MPPED2: variants seen among roughly 807,000 people sequenced by gnomAD.
MPPED2 encodes the protein metallophosphoesterase domain containing 2.
In MPPED2, 5 loss-of-function variants were observed where a neutral mutation model predicts 33.0. That is an observed-to-expected ratio of 0.15 (90% CI 0.08 to 0.32). MPPED2 has a LOEUF of 0.32. MPPED2 is among the 10% of genes least tolerant of loss of function. MPPED2 has a pLI of 1.00. For missense variants in MPPED2, 275 were observed against 372.1 expected (o/e 0.74, Z 2.15); for synonymous variants, 136 against 141.9 (o/e 0.96, Z 0.29).
Position 30,410,914 on chromosome 11 carries a change from A to G in MPPED2, c.*554T>C, listed in dbSNP as rs1948077488. Reference sequence around the variant, plus strand: ...TTAAATGACAGCCATTTTCTTCTCAATGCAGCTTTCTTTATAGTGAGAGTA... The same window carrying G: ...TTAAATGACAGCCATTTTCTTCTCAGTGCAGCTTTCTTTATAGTGAGAGTA... On this transcript the variant is annotated 3_prime_UTR_variant, in exon 7 of 7. Coordinates refer to ENST00000358117, the MANE Select transcript of MPPED2 (RefSeq NM_001584.3). 1.0e-6 allele frequency: 1 copy of G among 985,760 alleles called. No individual in the cohort carries two copies. Among genetic ancestry groups the G allele is most frequent in the Non-Finnish European group, 1.2e-6 (1 of 829,926 alleles). 61.1% of individuals were successfully genotyped at this position (985,760 alleles called of 1,614,324 possible).
At position 30,552,155 on chromosome 11, in the gene MPPED2, T is replaced by C. The variant is rs376977504; in HGVS notation, c.129-15980A>G. Reference sequence around the variant, plus strand: ...ATTATTCATCCGGTACTATTAAAACTGTCATCTTCTATAGCACCTCAGTAC... The same window carrying C: ...ATTATTCATCCGGTACTATTAAAACCGTCATCTTCTATAGCACCTCAGTAC... On this transcript the variant is annotated intron_variant, in intron 2 of 6. Coordinates refer to ENST00000358117, the MANE Select transcript of MPPED2 (RefSeq NM_001584.3). Among the ~76,000 whole-genome samples the C allele has an allele frequency of 1.4e-3, 219 of 152,334 alleles. 2 individuals carry two copies. The highest frequency in any genetic ancestry group is 5.0e-3 in the African/African-American group (209 of 41,568).
chr11:30,493,087 C>T (rs1462168147), intron 4 of MPPED2, among the ~76,000 whole-genome samples: 2 of 152,158 alleles, frequency 1.3e-5, no homozygotes, highest in Admixed American at 6.5e-5. Flanking sequence ...ACCAGTCCTT[C>T]TGGATACCAA....
chr11:30,567,373 A>C (rs1181830460), intron 2 of MPPED2, among the ~76,000 whole-genome samples: 1 of 152,180 alleles, frequency 6.6e-6, no homozygotes, highest in African/African-American at 2.4e-5. Context: ...GTTTAGGGCA[A>C]GAGTTTCATG....
At chr11:30,504,672 G>T in intron 3 of MPPED2, 1 of 813,388 alleles carries the variant, frequency 1.2e-6, no homozygotes, top group Non-Finnish European at 1.8e-6. Flanking sequence ...TCTGACCTCA[G>T]TCTGTCCCCC....
chr11:30,471,696 C>T (rs1950951440), intron 4 of MPPED2, among the ~76,000 whole-genome samples: 1 of 152,188 alleles, frequency 6.6e-6, no homozygotes, highest in Non-Finnish European at 1.5e-5. Flanking sequence ...TTTGTCCATT[C>T]CCATATTCCC....
At chr11:30,409,464 C>A (rs568238269), downstream of MPPED2, among the ~76,000 whole-genome samples, 3 of 152,308 alleles carry the variant, frequency 2.0e-5, no homozygotes, top group Non-Finnish European at 4.4e-5. Flanking sequence ...ATGGTGACAT[C>A]CAAGATACTT....
At chr11:30,472,813 C>A (rs1951007358) in intron 4 of MPPED2, among the ~76,000 whole-genome samples, 1 of 152,104 alleles carries the variant, frequency 6.6e-6, no homozygotes, top group Non-Finnish European at 1.5e-5. Context: ...TGGAAAAGTT[C>A]TGGAGATAGT....
rs1450525726 is a variant in MPPED2, at chr11:30,586,299, G to C, written c.-379C>G. The C allele has an allele frequency of 6.5e-6, 1 of 153,920 alleles. No homozygotes were observed. The highest frequency in any genetic ancestry group is 2.4e-5 in the African/African-American group (1 of 41,438). The allele number at this position is 153,920 out of a possible 1,614,324, so 9.5% of individuals were successfully genotyped here. On this transcript the variant is annotated 5_prime_UTR_variant, in exon 1 of 7. Coordinates refer to ENST00000358117, the MANE Select transcript of MPPED2 (RefSeq NM_001584.3). The surrounding 1 kb of genome is among the most constrained non-coding windows in gnomAD (Gnocchi z 4.8). ...GATCTGGGGAGAGAGCGAGCGAGGG[G>C]GCGAGGAGAGGGAGCGAGGGCGCGG... is the stretch of plus-strand genomic sequence containing the variant.
At chr11:30,547,256 C>T (rs1281830680) in intron 2 of MPPED2, among the ~76,000 whole-genome samples, 1 of 152,194 alleles carries the variant, frequency 6.6e-6, no homozygotes, top group Non-Finnish European at 1.5e-5. Context: ...ATGTCCAGAA[C>T]TCTTTCAACA....
rs1220296351 is a variant in MPPED2, at chr11:30,395,692, T to C, written c.767-6736A>G. On this transcript the variant is annotated intron_variant, in intron 6 of 6. Transcript: ENST00000448418. ...CAGTGGTGAGTTAATAATCTAAGAG[T>C]AGATTGTCACACTGGCTACAGGAAG... 3.9e-5 allele frequency among the ~76,000 whole-genome samples: 6 copies of C among 152,282 alleles called. No homozygotes were observed. In the South Asian group the frequency reaches 1.2e-3, roughly 32 times the overall value.
intron 2 of MPPED2, among the ~76,000 whole-genome samples, chr11:30,548,459 A>T (rs1955542334): frequency 6.6e-6 from 1 of 152,046 alleles, no homozygotes. Flanking sequence ...GCCTCAAGTG[A>T]TTCTCCCACC....
chr11:30,388,689 C>A, exon 7 of MPPED2: 1 of 543,454 alleles, frequency 1.8e-6, no homozygotes, highest in Non-Finnish European at 2.9e-6. Flanking sequence ...CAGAGCCCTC[C>A]TCCGCAGTCT....
intron 4 of MPPED2, chr11:30,425,735 T>G (rs928060200): frequency 2.0e-5 from 3 of 152,142 alleles, no homozygotes; most frequent in African/African-American, 7.2e-5. Flanking sequence ...CTGGTCCTGC[T>G]CAGCCCTGGG....
chr11:30,425,925 G>T (rs975477640), intron 4 of MPPED2, among the ~76,000 whole-genome samples: 3 of 152,114 alleles, frequency 2.0e-5, no homozygotes, highest in Admixed American at 6.5e-5. Context: ...AGGGATATTT[G>T]TCTTCTCTTT....
intron 4 of MPPED2, among the ~76,000 whole-genome samples, chr11:30,493,648 C>G (rs1245789401): frequency 6.8e-6 from 1 of 146,930 alleles, no homozygotes; most frequent in East Asian, 2.0e-4. Flanking sequence ...TTTAGTCTAA[C>G]ATTCTCATTT....
chr11:30,452,102 A>G (rs1950087741), intron 4 of MPPED2: 3 of 985,404 alleles, frequency 3.0e-6, no homozygotes, highest in Non-Finnish European at 2.4e-6. Context: ...AGAAAGCAGA[A>G]AGCAGATTAT....
At chr11:30,398,818 A>G (rs374899996) in intron 6 of MPPED2, among the ~76,000 whole-genome samples, 2 of 152,308 alleles carry the variant, frequency 1.3e-5, no homozygotes, top group African/African-American at 4.8e-5. Context: ...ATCAGACTTG[A>G]AAGAGTTAAC....
At chr11:30,522,874 G>A (rs563997808) in intron 3 of MPPED2, among the ~76,000 whole-genome samples, 3 of 152,182 alleles carry the variant, frequency 2.0e-5, no homozygotes, top group East Asian at 1.9e-4. Flanking sequence ...TGCACATAAC[G>A]CCACATTGAC....
chr11:30,453,305 G>C (rs1239240710), intron 4 of MPPED2, among the ~76,000 whole-genome samples: 1 of 152,162 alleles, frequency 6.6e-6, no homozygotes, highest in Non-Finnish European at 1.5e-5. Flanking sequence ...TAAGGAAACT[G>C]CAGATGTGGA....
Sources: gnomAD v4.1 joint callset for allele counts (sites outside exome capture counted in the v4.1 genomes callset) on GRCh38, gnomAD v4.1.1 for gene constraint, Gnocchi (gnomAD v3.1) non-coding constraint, MANE v1.5 for transcripts, NCBI Gene and HGNC (gene_info 2026-07-23, HGNC 2026-07-21) for gene names.